SMYD3: variants seen among roughly 807,000 people sequenced by gnomAD.
The protein encoded by SMYD3 is SET and MYND domain containing 3.
SMYD3 carries 36 observed loss-of-function variants against 57.7 expected under a neutral mutation model. The ratio of observed to expected loss-of-function variants is 0.62; its 90% CI spans 0.48 to 0.82. The LOEUF (loss-of-function observed/expected upper bound fraction) is 0.82, where lower values mean the gene tolerates loss of function less well. Among genes scored for constraint, SMYD3 ranks in the 40% least tolerant of loss-of-function variants. SMYD3 has a pLI of 0.00. For synonymous variants in SMYD3, 211 were observed against 195.0 expected, an observed-to-expected ratio of 1.08 and a Z score of -0.68; for missense variants, 515 against 538.8, an observed-to-expected ratio of 0.96 and a Z score of 0.44.
chr1:245,822,409 A>C, intron 10 of SMYD3, among the ~76,000 whole-genome samples: 1 of 73,642 alleles, frequency 1.4e-5, no homozygotes, highest in African/African-American at 5.3e-5. Context: ...GGGTAGGGGG[A>C]GGGGGGAGGG....
chr1:245,972,369 G>A (rs999031870), intron 5 of SMYD3, among the ~76,000 whole-genome samples: 1 of 152,170 alleles, frequency 6.6e-6, no homozygotes, highest in Non-Finnish European at 1.5e-5. Flanking sequence ...TGGTATCACG[G>A]TGGTGAAAAG....
intron 5 of SMYD3, among the ~76,000 whole-genome samples, chr1:246,010,233 G>A (rs901290112): frequency 6.6e-6 from 1 of 151,772 alleles, no homozygotes; most frequent in Non-Finnish European, 1.5e-5. Context: ...ATACAGAATC[G>A]TATGCTCTGT....
chr1:246,357,692 C>G (rs2065928775), intron 1 of SMYD3, among the ~76,000 whole-genome samples: 1 of 151,994 alleles, frequency 6.6e-6, no homozygotes, highest in Non-Finnish European at 1.5e-5. Context: ...AATTATCAGC[C>G]AAGAATTTTG....
chr1:245,796,003 A>G (rs1420778641), intron 10 of SMYD3, among the ~76,000 whole-genome samples: 1 of 152,180 alleles, frequency 6.6e-6, no homozygotes, highest in Non-Finnish European at 1.5e-5. Flanking sequence ...CAAAGTTGCA[A>G]ACAGTCACAA....
At chr1:246,418,230 A>G (rs2067091408) in intron 1 of SMYD3, among the ~76,000 whole-genome samples, 1 of 152,266 alleles carries the variant, frequency 6.6e-6, no homozygotes, top group Non-Finnish European at 1.5e-5. Context: ...GCCACATGCT[A>G]CAAGACGGAT....
At chr1:246,472,257 G>GA (rs1196912962) in intron 1 of SMYD3, among the ~76,000 whole-genome samples, 1 of 151,530 alleles carries the variant, frequency 6.6e-6, no homozygotes, top group Non-Finnish European at 1.5e-5. Context: ...TGTGGAAGAA[G>GA]AAAAAAAAGA....
At chr1:246,418,814 C>G (rs551959459) in intron 1 of SMYD3, among the ~76,000 whole-genome samples, 1 of 152,260 alleles carries the variant, frequency 6.6e-6, no homozygotes, top group East Asian at 1.9e-4. Flanking sequence ...CTTCTGCCTG[C>G]GTGCTCCCCT....
chr1:246,361,318 G>T (rs545328270), intron 1 of SMYD3, among the ~76,000 whole-genome samples: 7 of 152,320 alleles, frequency 4.6e-5, no homozygotes, highest in African/African-American at 1.7e-4. Flanking sequence ...CACAGATGCA[G>T]TGAAAAGGGA....
At chr1:245,927,560 C>T (rs190656414) in intron 7 of SMYD3, among the ~76,000 whole-genome samples, 1 of 151,898 alleles carries the variant, frequency 6.6e-6, no homozygotes, top group Non-Finnish European at 1.5e-5. Flanking sequence ...GCTGGGATGC[C>T]CCCCCCTGCC....
chr1:245,869,808 T>C (rs1299039551), intron 8 of SMYD3, among the ~76,000 whole-genome samples: 2 of 152,276 alleles, frequency 1.3e-5, no homozygotes, highest in East Asian at 3.9e-4. Context: ...ACTCAGCGTG[T>C]TTTCTGCTGT....
At chr1:245,972,121 T>C (rs577532545) in intron 5 of SMYD3, among the ~76,000 whole-genome samples, 2 of 152,336 alleles carry the variant, frequency 1.3e-5, no homozygotes, top group South Asian at 4.1e-4. Context: ...TGTAAGTCCC[T>C]GGTACAAGAC....
chr1:245,830,180 G>C (rs2148378458), intron 10 of SMYD3, among the ~76,000 whole-genome samples: 1 of 152,320 alleles, frequency 6.6e-6, no homozygotes. Context: ...AGTGGAAGAT[G>C]ATCTCAGCAG....
intron 5 of SMYD3, among the ~76,000 whole-genome samples, chr1:246,156,887 G>C (rs2062030506): frequency 6.6e-6 from 1 of 152,182 alleles, no homozygotes; most frequent in Non-Finnish European, 1.5e-5. Flanking sequence ...GTGATTTGCT[G>C]AATCATGGAG....
intron 5 of SMYD3, among the ~76,000 whole-genome samples, chr1:246,062,806 T>G (rs2060276038): frequency 6.6e-6 from 1 of 152,152 alleles, no homozygotes; most frequent in Admixed American, 6.5e-5. Flanking sequence ...CTGAATGAAT[T>G]AATTAATGAG....
chr1:246,398,501 C>A (rs1180230208), intron 1 of SMYD3, among the ~76,000 whole-genome samples: 3 of 152,194 alleles, frequency 2.0e-5, no homozygotes, highest in African/African-American at 7.2e-5. Context: ...GAGAGATGTA[C>A]AACATGCAGT....
chr1:246,185,606 C>G (rs548610463), intron 5 of SMYD3, among the ~76,000 whole-genome samples: 1 of 148,482 alleles, frequency 6.7e-6, no homozygotes, highest in African/African-American at 2.5e-5. Context: ...AAACTACAGG[C>G]GCCCGCCACC....
At chr1:245,956,334 T>G (rs936725598) in intron 5 of SMYD3, among the ~76,000 whole-genome samples, 17 of 152,344 alleles carry the variant, frequency 1.1e-4, no homozygotes, top group African/African-American at 3.4e-4. Flanking sequence ...TGATTCATTG[T>G]GGCTTCCTCA....
intron 1 of SMYD3, among the ~76,000 whole-genome samples, chr1:246,434,888 G>A (rs1372663811): frequency 2.0e-5 from 3 of 152,100 alleles, no homozygotes; most frequent in African/African-American, 7.2e-5. Context: ...AAAAAACACG[G>A]AACTAACCTA....
intron 2 of SMYD3, among the ~76,000 whole-genome samples, chr1:246,342,115 A>G (rs2065640779): frequency 6.6e-6 from 1 of 152,196 alleles, no homozygotes; most frequent in South Asian, 2.1e-4. Context: ...TATTTTCCTC[A>G]GCTATTTGGT....
Sources: gnomAD v4.1 joint callset for allele counts (sites outside exome capture counted in the v4.1 genomes callset) on GRCh38, gnomAD v4.1.1 for gene constraint, MANE v1.5 for transcripts, NCBI Gene and HGNC (gene_info 2026-07-23, HGNC 2026-07-21) for gene names.